Variants in PTPRU observed in about 807,000 individuals in gnomAD.
PTPRU encodes protein tyrosine phosphatase receptor type U.
PTPRU carries 69 observed loss-of-function variants against 166.3 expected under a neutral mutation model. The observed-to-expected ratio is 0.41, with a 90% CI of 0.34 to 0.51. The LOEUF (loss-of-function observed/expected upper bound fraction) is 0.51. Ranked by LOEUF, PTPRU falls within the 20% of genes least tolerant of loss-of-function variation. The pLI, the probability that PTPRU is intolerant of heterozygous loss-of-function variation, is 0.09. For synonymous variants in PTPRU, 793 were observed against 814.0 expected (o/e 0.97, Z 0.44); for missense variants, 1,657 against 2,013.7 (o/e 0.82, Z 3.39).
At position 29,255,270 on chromosome 1, in the gene PTPRU, C is replaced by T; in HGVS notation, c.74-5C>T. 5 of 1,613,088 alleles carry T rather than the reference C, an allele frequency of 3.1e-6. No homozygotes were observed. Among genetic ancestry groups the T allele is most frequent in the Non-Finnish European group, 4.2e-6 (5 of 1,179,322 alleles). ...GCCTGGGCTAACCAGGCCCTGCTCTCACAGCTGGCTGCACCTTCGAGGAGG... is the reference window on the plus strand; with the variant it reads ...GCCTGGGCTAACCAGGCCCTGCTCTTACAGCTGGCTGCACCTTCGAGGAGG... On this transcript the variant is annotated splice_polypyrimidine_tract_variant and splice_region_variant and intron_variant, in intron 1 of 29. Transcript: ENST00000373779.
Position 29,315,658 on chromosome 1 carries a change from T to A in PTPRU, c.3363+151T>A. ...CCCTGACCTTGGGCCGCCAACTGCA[T>A]AGGGTCATCCTGAACTGCTCCCCTG... On this transcript the variant is annotated intron_variant, in intron 23 of 29. Transcript: ENST00000373779. The surrounding 1 kb of genome is among the most constrained non-coding windows in gnomAD (Gnocchi z 4.5). The A allele has an allele frequency of 8.5e-7, 1 of 1,179,776 alleles. No individual in the cohort carries two copies. Among genetic ancestry groups the A allele is most frequent in the East Asian group, 2.4e-5 (1 of 41,818 alleles). The allele number at this position is 1,179,776 out of a possible 1,614,324, so 73.1% of individuals were successfully genotyped here. A position where few individuals can be genotyped will look rare whatever the true frequency, so the allele number is the denominator to read the frequency against.
chr1:29,320,864 C>T lies in PTPRU; in HGVS notation c.3828+39C>T. On this transcript the variant is annotated intron_variant, in intron 26 of 29. Coordinates refer to ENST00000373779, the MANE Select transcript of PTPRU (RefSeq NM_133178.4). The surrounding 1 kb of genome is among the most constrained non-coding windows in gnomAD (Gnocchi z 5.2). ...TGGCCAGGCCAATGGGCCGCCTGCT[C>T]CCAGGTCCTCTGTGTATTCAGGGCC... The T allele has an allele frequency of 1.3e-6, 2 of 1,507,298 alleles. No homozygotes were observed. Among genetic ancestry groups the T allele is most frequent in the Non-Finnish European group, 1.8e-6 (2 of 1,120,052 alleles). The allele number at this position is 1,507,298 out of a possible 1,614,324, so 93.4% of individuals were successfully genotyped here. A position where few individuals can be genotyped will look rare whatever the true frequency, so the allele number is the denominator to read the frequency against.
At chr1:29,318,053 G>A in intron 25 of PTPRU, 132 bp downstream of exon 25, 4 of 1,211,354 alleles carry the variant, frequency 3.3e-6, no homozygotes, top group South Asian at 3.0e-5. Context: ...ACAGGCCTGT[G>A]TGTGACCCTC....
chr1:29,282,952 G>A lies in PTPRU; in HGVS notation c.2142+3G>A. The A allele has an allele frequency of 6.2e-7, 1 of 1,612,558 alleles. No individual in the cohort carries two copies. Among genetic ancestry groups the A allele is most frequent in the Non-Finnish European group, 8.5e-7 (1 of 1,179,666 alleles). The stretch of plus-strand genomic sequence containing the variant: ...AGGCAGCAAGCCACCTGAAGGGGGT[G>A]AGGGACCGGCCAGGGTCATGGTGGG... On this transcript the variant is annotated splice_donor_region_variant and intron_variant, in intron 12 of 29. Coordinates refer to ENST00000373779, the MANE Select transcript of PTPRU (RefSeq NM_133178.4).
chr1:29,325,382 C>A, intron 29 of PTPRU, 56 bp downstream of exon 29: 1 of 1,593,142 alleles, frequency 6.3e-7, no homozygotes, highest in Non-Finnish European at 8.6e-7. Flanking sequence ...CATGCCAGGC[C>A]AGGTTCCTTA....
intron 18 of PTPRU, among the ~76,000 whole-genome samples, chr1:29,305,911 A>G (rs1687369025): frequency 6.6e-6 from 1 of 152,192 alleles, no homozygotes. Flanking sequence ...GCACGTACTG[A>G]GTGCCAAGCA....
Position 29,275,696 on chromosome 1 carries a change from C to G in PTPRU, c.1393C>G (p.Leu465Val). The stretch of plus-strand genomic sequence containing the variant: ...TCGGAACGTTCACGTGAGGCTTGTC[C>G]TCACTAACCCTGAGGGGCGCAAAGA... Reference protein sequence around the residue: ...PYRNVHVRLVLTNPEGRKEGK... With the variant: ...PYRNVHVRLVVTNPEGRKEGK... Residue 465 changes from leucine (L) to valine (V), a missense_variant, in exon 8 of 30, where the codon CTC becomes GTC. Physicochemically the swap from Leu to Val is conservative, Grantham distance 32 (BLOSUM62 1). Coordinates refer to ENST00000373779, the MANE Select transcript of PTPRU (RefSeq NM_133178.4). The G allele has an allele frequency of 6.2e-7, 1 of 1,614,190 alleles. No individual in the cohort carries two copies. The highest frequency in any genetic ancestry group is 1.1e-5 in the South Asian group (1 of 91,076).
At chr1:29,297,920 G>A (rs1003520688) in intron 15 of PTPRU, among the ~76,000 whole-genome samples, 5 of 152,156 alleles carry the variant, frequency 3.3e-5, no homozygotes, top group African/African-American at 9.7e-5. Context: ...TTGACTGATG[G>A]TGAGGAGGAA....
Position 29,310,646 on chromosome 1 carries a change from G to A in PTPRU, c.2821-98G>A. Reference sequence around the variant, plus strand: ...ATGTGAGGGAGCAGTTCCCTGGTGGGGTAGGGGTTCTGCTGCTGGGAGGGG... The same window carrying A: ...ATGTGAGGGAGCAGTTCCCTGGTGGAGTAGGGGTTCTGCTGCTGGGAGGGG... On this transcript the variant is annotated intron_variant, in intron 18 of 29. Transcript: ENST00000373779. The A allele has an allele frequency of 3.1e-6, 4 of 1,287,596 alleles. No homozygotes were observed. In the South Asian group the frequency reaches 4.7e-5, roughly 15 times the overall value. The allele number at this position is 1,287,596 out of a possible 1,614,324, so 79.8% of individuals were successfully genotyped here. A position where few individuals can be genotyped will look rare whatever the true frequency, so the allele number is the denominator to read the frequency against.
chr1:29,321,955 C>A (rs1688180208), intron 26 of PTPRU, among the ~76,000 whole-genome samples: 1 of 152,244 alleles, frequency 6.6e-6, no homozygotes, highest in Non-Finnish European at 1.5e-5. Context: ...TGACCATGTG[C>A]TTTAGGTCTC....
At chr1:29,275,821 C>T in intron 8 of PTPRU, 65 bp downstream of exon 8, 2 of 1,514,104 alleles carry the variant, frequency 1.3e-6, no homozygotes, top group Non-Finnish European at 1.8e-6. Context: ...ATGTCTGAGA[C>T]TGAAATTTAC....
chr1:29,279,603 A>G lies in PTPRU; in HGVS notation c.1711A>G (p.Thr571Ala). 6.2e-7 allele frequency: 1 copy of G among 1,613,974 alleles called. No individual in the cohort carries two copies. Among genetic ancestry groups the G allele is most frequent in the Non-Finnish European group, 8.5e-7 (1 of 1,180,022 alleles). Residue 571 changes from threonine (T) to alanine (A), a missense_variant, in exon 10 of 30, where the codon ACA becomes GCA. Physicochemically the swap from Thr to Ala is moderately conservative, Grantham distance 58. Transcript: ENST00000373779. The surrounding 1 kb of genome is among the most constrained non-coding windows in gnomAD (Gnocchi z 5.2). ...TTYLFSVRAR[T>A]GKGFGQAALT... Reference sequence around the variant, plus strand: ...CTACCTGTTCTCCGTGCGGGCCCGCACAGGCAAAGGCTTCGGCCAGGCGGC... The same window carrying G: ...CTACCTGTTCTCCGTGCGGGCCCGCGCAGGCAAAGGCTTCGGCCAGGCGGC...
At position 29,279,510 on chromosome 1, in the gene PTPRU, C is replaced by T; in HGVS notation, c.1618C>T (p.Arg540Ter). Reference protein sequence around the residue: ...SDPAVNVPGPRRTISKLRNET... With the variant: ...SDPAVNVPGP ...CCCGGCAGTGAACGTGCCAGGCCCA[C>T]GACGTACCATCTCCAAGCTCCGCAA... The change falls in exon 10 of 30, where the codon CGA becomes TGA. Residue 540 changes from arginine (R) to a stop codon, truncating the protein, a stop_gained. Transcript: ENST00000373779. LOFTEE classifies it high-confidence loss of function. The surrounding 1 kb of genome is among the most constrained non-coding windows in gnomAD (Gnocchi z 5.2). The T allele has an allele frequency of 1.9e-6, 3 of 1,614,184 alleles. No individual in the cohort carries two copies. The highest frequency in any genetic ancestry group is 1.6e-4 in the Middle Eastern group (1 of 6,062).
intron 7 of PTPRU, among the ~76,000 whole-genome samples, chr1:29,268,637 G>T (rs1685408098): frequency 6.6e-6 from 1 of 152,200 alleles, no homozygotes; most frequent in South Asian, 2.1e-4. Flanking sequence ...GCAGACAATT[G>T]CAGGGAAATG....
Position 29,310,772 on chromosome 1 carries a change from C to T in PTPRU, c.2849C>T (p.Ala950Val), listed in dbSNP as rs768943590. The part of the protein sequence containing the change: ...DGYHRSNHFI[A>V]TQGPKPEMVY... ...TACCACAGGTCAAACCACTTCATAG[C>T]CACTCAAGGTACCTGGCACTTCTGC... The change falls in exon 19 of 30, where the codon GCC (alanine) becomes GTC (valine). Residue 950 changes from alanine to valine, a missense_variant. Ala to Val is a moderately conservative substitution (Grantham distance 64). Coordinates refer to ENST00000373779, the MANE Select transcript of PTPRU (RefSeq NM_133178.4). 53 of 1,613,868 alleles carry T rather than the reference C, an allele frequency of 3.3e-5. No homozygotes were observed. The highest frequency in any genetic ancestry group is 4.5e-5 in the Non-Finnish European group (53 of 1,179,866).
intron 1 of PTPRU, among the ~76,000 whole-genome samples, chr1:29,249,296 C>T (rs1684440639): frequency 6.6e-6 from 1 of 152,254 alleles, no homozygotes; most frequent in South Asian, 2.1e-4. Context: ...CTTACATCAC[C>T]CCATCCTGAG....
In PTPRU at chr1:29,258,565, T is replaced by G; in HGVS notation, c.266T>G (p.Phe89Cys). Reference sequence around the variant, plus strand: ...CCAGGCCAGCGAGCCCATGTCATCTTCCAGAGCCTGAGCGAGAATGATACC... The same window carrying G: ...CCAGGCCAGCGAGCCCATGTCATCTGCCAGAGCCTGAGCGAGAATGATACC... The part of the protein sequence containing the change: ...HAPGQRAHVI[F>C]QSLSENDTHC... Residue 89 changes from phenylalanine to cysteine, a missense_variant, in exon 3 of 30, where the codon TTC (phenylalanine) becomes TGC (cysteine). Physicochemically the swap from Phe to Cys is radical, Grantham distance 205. Around this residue, in one of 3 missense-constraint regions of PTPRU, gnomAD observed 453 missense variants for 496.9 expected, o/e 0.91. Coordinates refer to ENST00000373779, the MANE Select transcript of PTPRU (RefSeq NM_133178.4). The G allele has an allele frequency of 6.2e-7, 1 of 1,614,230 alleles. No individual in the cohort carries two copies. The highest frequency in any genetic ancestry group is 8.5e-7 in the Non-Finnish European group (1 of 1,180,038).
chr1:29,305,928 T>C (rs1315213184), intron 18 of PTPRU, among the ~76,000 whole-genome samples: 1 of 152,206 alleles, frequency 6.6e-6, no homozygotes, highest in Non-Finnish European at 1.5e-5. Flanking sequence ...AGCACTGTGC[T>C]AAGCACTTTA....
chr1:29,307,225 G>C, intron 18 of PTPRU: 1 of 1,514,878 alleles, frequency 6.6e-7, no homozygotes, highest in South Asian at 1.1e-5. Flanking sequence ...ACTCTCTCAC[G>C]GTCTCTGGCT....
Sources: allele counts gnomAD v4.1 joint callset (sites outside exome capture counted in the v4.1 genomes callset), GRCh38; gene constraint gnomAD v4.1.1; regional missense constraint gnomAD v4.1.1; non-coding constraint Gnocchi (gnomAD v3.1); transcripts MANE v1.5; gene names NCBI Gene and HGNC (gene_info 2026-07-23, HGNC 2026-07-21).